Variants in KCNAB2 observed in about 807,000 individuals in gnomAD.
The protein encoded by KCNAB2 is potassium voltage-gated channel subfamily A regulatory beta subunit 2.
In KCNAB2, 29 loss-of-function variants were observed where a neutral mutation model predicts 63.6. The observed-to-expected ratio is 0.46, with a 90% confidence interval of 0.34 to 0.62. The LOEUF (loss-of-function observed/expected upper bound fraction) is 0.62. Ranked by LOEUF, KCNAB2 falls within the 20% of genes least tolerant of loss-of-function variation. The probability of loss-of-function intolerance (pLI) is 0.01; values close to 1 mark genes in which losing one functional copy is unlikely to be tolerated. For synonymous variants in KCNAB2, 222 were observed against 224.2 expected, an observed-to-expected ratio of 0.99 and a Z score of 0.09; for missense variants, 359 against 563.9, an observed-to-expected ratio of 0.64 and a Z score of 3.68.
At chr1:6,082,380 C>A in intron 5 of KCNAB2, 106 bp downstream of exon 5, 2 of 829,322 alleles carry the variant, frequency 2.4e-6, no homozygotes, top group Non-Finnish European at 4.1e-6. Context: ...ACAAATGCAC[C>A]TTGCACCCTG....
Position 6,091,320 on chromosome 1 carries a change from C to T in KCNAB2, c.646+13C>T, listed in dbSNP as rs1191788927. The T allele has an allele frequency of 1.1e-5, 16 of 1,518,540 alleles. No individual in the cohort carries two copies. The East Asian group carries it at 3.9e-4, about 37-fold the overall frequency. 94.1% of individuals were successfully genotyped at this position (1,518,540 alleles called of 1,614,324 possible). A position where few individuals can be genotyped will look rare whatever the true frequency, so the allele number is the denominator to read the frequency against. ...TTCATCATAGAAGGTACACAGTGCC[C>T]CCAGCCTGACTATTGACTTCTGTGT... On this transcript the variant is annotated intron_variant, in intron 10 of 15. Coordinates refer to ENST00000378083, the MANE Select transcript of KCNAB2 (RefSeq NM_001199862.2).
At position 6,024,730 on chromosome 1, in the gene KCNAB2, G is replaced by C. The variant is rs888381692; in HGVS notation, c.-52-15787G>C. ...GCTGGGGGCCAAGAGGATAACGGCT[G>C]TTCTCTGGCTCTGGGAGGCAGCAGA... On this transcript the variant is annotated intron_variant, in intron 1 of 16. Coordinates refer to the KCNAB2 transcript ENST00000341524. The surrounding 1 kb of genome is among the most constrained non-coding windows in gnomAD (Gnocchi z 5.4). 6.6e-6 allele frequency among the ~76,000 whole-genome samples: 1 copy of C among 152,186 alleles called. No homozygotes were observed. Among genetic ancestry groups the C allele is most frequent in the Non-Finnish European group, 1.5e-5 (1 of 68,040 alleles).
chr1:6,095,475 A>G (rs775901681), intron 12 of KCNAB2, 32 bp downstream of exon 12: 8 of 678,516 alleles, frequency 1.2e-5, no homozygotes, highest in South Asian at 5.2e-5. Flanking sequence ...GCCCCGCCCC[A>G]CCCCACCCCT....
chr1:6,090,836 G>A (rs543067874), intron 9 of KCNAB2, among the ~76,000 whole-genome samples: 1 of 152,324 alleles, frequency 6.6e-6, no homozygotes, highest in African/African-American at 2.4e-5. Flanking sequence ...CAACTGCGGT[G>A]TTCTCTCCAA....
At chr1:6,020,967 G>A (rs938355857) in intron 1 of KCNAB2, among the ~76,000 whole-genome samples, 3 of 151,898 alleles carry the variant, frequency 2.0e-5, no homozygotes, top group African/African-American at 7.3e-5. Flanking sequence ...AACCTGTAAG[G>A]CCACCACACC....
At chr1:6,043,416 C>A (rs943652196), upstream of KCNAB2, among the ~76,000 whole-genome samples, 1 of 152,220 alleles carries the variant, frequency 6.6e-6, no homozygotes, top group Non-Finnish European at 1.5e-5. Flanking sequence ...TGTTGTCCCC[C>A]CCGCCGGGAT....
Position 6,098,633 on chromosome 1 carries a change from C to T in KCNAB2, c.*59C>T. On this transcript the variant is annotated 3_prime_UTR_variant, in exon 16 of 16. Transcript: ENST00000378083. ...TTCCCTCCTAGTCTCTGTTCGCTCG[C>T]TTAAGCTGTTTTGAAGCCAAGTGAA... The T allele has an allele frequency of 6.3e-7, 1 of 1,585,118 alleles. No individual in the cohort carries two copies. Among genetic ancestry groups the T allele is most frequent in the Non-Finnish European group, 8.6e-7 (1 of 1,163,580 alleles).
At chr1:6,090,313 C>A in intron 8 of KCNAB2, 76 bp from the exon 9 acceptor site, 1 of 1,023,850 alleles carries the variant, frequency 9.8e-7, no homozygotes, top group Non-Finnish European at 1.5e-6. Flanking sequence ...GTTCCCTGAG[C>A]CGGGCATGGA....
chr1:6,056,419 C>T (rs1255486992), intron 2 of KCNAB2, among the ~76,000 whole-genome samples: 3 of 152,240 alleles, frequency 2.0e-5, no homozygotes, highest in Non-Finnish European at 2.9e-5. Context: ...TTTAAATCCA[C>T]ACAGCCCCTG....
chr1:6,078,034 G>C lies in KCNAB2; in HGVS notation c.301-4161G>C, dbSNP rs1442410170. Among the ~76,000 whole-genome samples, 1 of 149,856 alleles carries C rather than the reference G, an allele frequency of 6.7e-6. No homozygotes were observed. The highest frequency in any genetic ancestry group is 2.5e-5 in the African/African-American group (1 of 39,784). On this transcript the variant is annotated intron_variant, in intron 4 of 15. Coordinates refer to ENST00000378083, the MANE Select transcript of KCNAB2 (RefSeq NM_001199862.2). The surrounding 1 kb of genome is among the most constrained non-coding windows in gnomAD (Gnocchi z 4.2). ...TAAGTCCAGGAGTCAGCCGGGCCGG[G>C]CTTCCTTCTCCCGGCCAGGACCTTT... is the stretch of plus-strand genomic sequence containing the variant.
chr1:6,011,519 A>G (rs1230971945), intron 1 of KCNAB2, among the ~76,000 whole-genome samples: 1 of 152,158 alleles, frequency 6.6e-6, no homozygotes, highest in African/African-American at 2.4e-5. Context: ...GCAGGGGCAG[A>G]GGGGGTTGAA....
chr1:6,085,038 A>G (rs1664575048), intron 5 of KCNAB2, among the ~76,000 whole-genome samples, 166 bp from the exon 6 acceptor site: 1 of 152,146 alleles, frequency 6.6e-6, no homozygotes, highest in Non-Finnish European at 1.5e-5. Context: ...CCTCGGGCCA[A>G]CCCTGTCTGT....
intron 14 of KCNAB2, 86 bp from the exon 15 acceptor site, chr1:6,097,181 GTC>G: frequency 1.4e-6 from 2 of 1,401,478 alleles, no homozygotes; most frequent in Admixed American, 5.1e-5. Flanking sequence ...AAGATGCTGG[GTC>G]TCTCGGCCCA....
At chr1:6,093,970 C>T (rs191000892) in intron 10 of KCNAB2, among the ~76,000 whole-genome samples, 6 of 152,280 alleles carry the variant, frequency 3.9e-5, no homozygotes, top group Non-Finnish European at 5.9e-5. Flanking sequence ...TCCCTCCTGC[C>T]GCCAATCTGA....
chr1:6,002,920 T>A (rs892826408), intron 1 of KCNAB2, among the ~76,000 whole-genome samples: 1 of 151,948 alleles, frequency 6.6e-6, no homozygotes, highest in Non-Finnish European at 1.5e-5. Flanking sequence ...TTGCTCTGGC[T>A]CTGGCCCCCT....
intron 2 of KCNAB2, among the ~76,000 whole-genome samples, chr1:6,068,530 C>A (rs746341655): frequency 5.9e-5 from 9 of 152,228 alleles, no homozygotes; most frequent in Middle Eastern, 3.2e-3. Flanking sequence ...GGCCTGGGAG[C>A]TTTCCTTGCT....
At chr1:6,023,027 T>A (rs933831878) in intron 1 of KCNAB2, among the ~76,000 whole-genome samples, 2 of 152,016 alleles carry the variant, frequency 1.3e-5, no homozygotes, top group Middle Eastern at 3.4e-3. Context: ...GGATTACAGG[T>A]GCCTGCCATG....
chr1:6,032,928 C>T (rs1228652360), upstream of KCNAB2, among the ~76,000 whole-genome samples: 2 of 152,152 alleles, frequency 1.3e-5, no homozygotes, highest in Non-Finnish European at 2.9e-5. Flanking sequence ...GGGGTTGCTT[C>T]TAGATTGAGA....
chr1:6,072,979 G>A (rs1175154379), intron 3 of KCNAB2, among the ~76,000 whole-genome samples, 181 bp downstream of exon 3: 2 of 151,998 alleles, frequency 1.3e-5, no homozygotes, highest in Non-Finnish European at 2.9e-5. Context: ...AAAGAGGCAG[G>A]TGGGAGGGGG....
Sources: gnomAD v4.1 joint callset for allele counts (sites outside exome capture counted in the v4.1 genomes callset) on GRCh38, gnomAD v4.1.1 for gene constraint, Gnocchi (gnomAD v3.1) non-coding constraint, MANE v1.5 for transcripts, NCBI Gene and HGNC (gene_info 2026-07-23, HGNC 2026-07-21) for gene names.